Variants in RIMS2 observed in about 807,000 individuals in gnomAD.
RIMS2 encodes regulating synaptic membrane exocytosis 2.
In RIMS2, 59 loss-of-function variants were observed where a neutral mutation model predicts 174.4. The observed-to-expected ratio is 0.34, with a 90% CI of 0.27 to 0.42. RIMS2 has a LOEUF of 0.42. Among genes scored for constraint, RIMS2 ranks in the 10% least tolerant of loss-of-function variants. The pLI, the probability that RIMS2 is intolerant of heterozygous loss-of-function variation, is 1.00. For missense variants in RIMS2, 1,620 were observed against 1,666.3 expected, an observed-to-expected ratio of 0.97 and a Z score of 0.48; for synonymous variants, 606 against 572.5, an observed-to-expected ratio of 1.06 and a Z score of -0.84.
intron 1 of RIMS2, among the ~76,000 whole-genome samples, chr8:103,670,235 C>T (rs944319281): frequency 4.6e-5 from 7 of 152,202 alleles, no homozygotes; most frequent in African/African-American, 7.2e-5. Flanking sequence ...ATGCAGGGCA[C>T]GAAGACCCTA....
At chr8:103,918,302 T>A in intron 8 of RIMS2, 139 bp from the exon 12 acceptor site, 1 of 509,712 alleles carries the variant, frequency 2.0e-6, no homozygotes, top group South Asian at 4.4e-5. Context: ...GTTTGTTTCT[T>A]ATTTATATAA....
chr8:103,754,794 C>G (rs1490900870), intron 2 of RIMS2, among the ~76,000 whole-genome samples: 1 of 152,184 alleles, frequency 6.6e-6, no homozygotes, highest in East Asian at 1.9e-4. Flanking sequence ...AGATCTTCCT[C>G]TATCCCTTTA....
At chr8:103,855,319 A>G (rs1202641189) in intron 3 of RIMS2, among the ~76,000 whole-genome samples, 1 of 151,628 alleles carries the variant, frequency 6.6e-6, no homozygotes, top group Non-Finnish European at 1.5e-5. Flanking sequence ...TTTCATTGAT[A>G]TTTTGTATGG....
At chr8:103,634,066 G>T (rs1014060329) in intron 1 of RIMS2, among the ~76,000 whole-genome samples, 3 of 152,068 alleles carry the variant, frequency 2.0e-5, no homozygotes, top group African/African-American at 7.2e-5. Context: ...CTAGCTTTGG[G>T]GTTGATTTGT....
chr8:103,546,993 A>T (rs2469986), intron 1 of RIMS2, among the ~76,000 whole-genome samples: 33,440 of 122,370 alleles, frequency 0.27, 4,004 homozygotes, highest in South Asian at 0.38. Flanking sequence ...ATCCTAGCTA[A>T]AATTAGGGTG....
intron 19 of RIMS2, among the ~76,000 whole-genome samples, chr8:104,091,573 A>G (rs1398811450): frequency 6.6e-6 from 1 of 150,540 alleles, no homozygotes; most frequent in East Asian, 1.9e-4. Flanking sequence ...TACTTTCAAT[A>G]AATTTTGTGA....
In RIMS2 at chr8:104,214,790, C is replaced by T. The variant is rs900785786; in HGVS notation, c.3335-30126C>T. On this transcript the variant is annotated intron_variant, in intron 19 of 23. Transcript: ENST00000504942. ...TTAAGTGGGAATCAGCTGATGATGA[C>T]TTGCGTAGATTGGTTCCTGAGTTGG... 1.2e-4 allele frequency among the ~76,000 whole-genome samples: 19 copies of T among 152,248 alleles called. No individual in the cohort carries two copies. The East Asian group carries it at 3.7e-3, about 29-fold the overall frequency.
intron 19 of RIMS2, among the ~76,000 whole-genome samples, chr8:104,191,731 G>A (rs2098998801): frequency 6.6e-6 from 1 of 150,964 alleles, no homozygotes; most frequent in Admixed American, 6.6e-5. Context: ...GTGTAGAGCT[G>A]ATCAGCGTAG....
At chr8:104,048,381 GC>G (rs2096728578) in intron 19 of RIMS2, among the ~76,000 whole-genome samples, 1 of 152,052 alleles carries the variant, frequency 6.6e-6, no homozygotes, top group Non-Finnish European at 1.5e-5. Flanking sequence ...GAGATATCAT[GC>G]CCACCTATTT....
At chr8:103,631,756 A>G (rs1337892292) in intron 1 of RIMS2, among the ~76,000 whole-genome samples, 1 of 152,226 alleles carries the variant, frequency 6.6e-6, no homozygotes, top group African/African-American at 2.4e-5. Flanking sequence ...CTTCCTATCC[A>G]TGAACATGGG....
At position 103,550,300 on chromosome 8, in the gene RIMS2, A is replaced by T. The variant is rs575963920; in HGVS notation, c.176+49238A>T. Among the ~76,000 whole-genome samples, 123 of 152,280 alleles carry T rather than the reference A, an allele frequency of 8.1e-4. 2 individuals are homozygous for T. Among genetic ancestry groups the T allele is most frequent in the African/African-American group, 2.8e-3 (116 of 41,552 alleles). On this transcript the variant is annotated intron_variant, in intron 1 of 23. Transcript: ENST00000504942. The stretch of plus-strand genomic sequence containing the variant: ...TCAAACTAGAACTCAGGATTAAGAA[A>T]CTCACTCAAAACTGCTCAACTACAT...
At chr8:104,115,140 T>C (rs1028822148) in intron 19 of RIMS2, among the ~76,000 whole-genome samples, 67 of 152,260 alleles carry the variant, frequency 4.4e-4, no homozygotes, top group African/African-American at 1.6e-3. Flanking sequence ...ATAATGTTGA[T>C]TAAATTCTTA....
chr8:104,078,492 A>G (rs2097343456), intron 19 of RIMS2, among the ~76,000 whole-genome samples: 1 of 152,104 alleles, frequency 6.6e-6, no homozygotes, highest in Non-Finnish European at 1.5e-5. Context: ...TCTTCTTATA[A>G]GGACACCAAT....
chr8:103,725,647 G>A (rs1607911), intron 2 of RIMS2, among the ~76,000 whole-genome samples: 50,869 of 152,004 alleles, frequency 0.33, 8,938 homozygotes, highest in African/African-American at 0.43. Context: ...ATTGCTTCTA[G>A]TGTTGTTGGC....
rs116840428 is a variant in RIMS2, at chr8:104,000,889, C to A, written c.3044+11468C>A. Among the ~76,000 whole-genome samples the A allele has an allele frequency of 8.7e-3, 1,323 of 151,786 alleles. 20 individuals are homozygous for A. The highest frequency in any genetic ancestry group is 0.03 in the African/African-American group (1,247 of 41,494). ...GAAATGTCTATTCAAATATTTTATCCATTTTAAAAAATCAGATTATTATTG... is the reference window on the plus strand; with the variant it reads ...GAAATGTCTATTCAAATATTTTATCAATTTTAAAAAATCAGATTATTATTG... On this transcript the variant is annotated intron_variant, in intron 17 of 23. Transcript: ENST00000504942.
intron 2 of RIMS2, among the ~76,000 whole-genome samples, chr8:103,735,595 C>T (rs2097675249): frequency 6.6e-6 from 1 of 152,044 alleles, no homozygotes; most frequent in Non-Finnish European, 1.5e-5. Flanking sequence ...TTTGGAGGAC[C>T]TCAAATCATG....
intron 15 of RIMS2, among the ~76,000 whole-genome samples, chr8:103,966,581 G>A (rs1373773168): frequency 6.6e-6 from 1 of 151,924 alleles, no homozygotes; most frequent in Non-Finnish European, 1.5e-5. Flanking sequence ...TTCTGATTTT[G>A]TTGATTTTCT....
chr8:104,092,153 C>T (rs1235639027), intron 19 of RIMS2, among the ~76,000 whole-genome samples: 1 of 151,706 alleles, frequency 6.6e-6, no homozygotes, highest in African/African-American at 2.4e-5. Context: ...TCACTTATAT[C>T]GGATCTACTG....
intron 13 of RIMS2, among the ~76,000 whole-genome samples, chr8:103,940,019 C>T (rs570987943): frequency 1.1e-4 from 16 of 152,270 alleles, no homozygotes; most frequent in Admixed American, 9.2e-4. Flanking sequence ...CTACATTTTC[C>T]TGTCTTCTGA....
Sources: gnomAD v4.1 joint callset for allele counts (sites outside exome capture counted in the v4.1 genomes callset) on GRCh38, gnomAD v4.1.1 for gene constraint, MANE v1.5 for transcripts, NCBI Gene and HGNC (gene_info 2026-07-23, HGNC 2026-07-21) for gene names.